RPS6KA2: variants seen among roughly 807,000 people sequenced by gnomAD.
The protein encoded by RPS6KA2 is ribosomal protein S6 kinase A2.
Under a neutral mutation model 91.8 loss-of-function variants are expected in RPS6KA2, and 42 were observed. The ratio of observed to expected loss-of-function variants is 0.46; its 90% CI spans 0.36 to 0.59. The LOEUF is 0.59. Ranked by LOEUF, RPS6KA2 falls within the 20% of genes least tolerant of loss-of-function variation. The pLI, the probability that RPS6KA2 is intolerant of heterozygous loss-of-function variation, is 0.00. For synonymous variants in RPS6KA2, 414 were observed against 393.6 expected, an observed-to-expected ratio of 1.05 and a Z score of -0.61; for missense variants, 798 against 978.5, an observed-to-expected ratio of 0.82 and a Z score of 2.46.
intron 1 of RPS6KA2, among the ~76,000 whole-genome samples, chr6:166,858,656 T>C (rs902596410): frequency 1.3e-5 from 2 of 152,226 alleles, no homozygotes; most frequent in Admixed American, 1.3e-4. Context: ...GGTGAAGGCA[T>C]GTGTGACCAC....
intron 2 of RPS6KA2, among the ~76,000 whole-genome samples, chr6:166,824,454 G>C (rs1303796766): frequency 6.6e-6 from 1 of 152,226 alleles, no homozygotes; most frequent in Non-Finnish European, 1.5e-5. Context: ...CAACTTCTCT[G>C]TGGCAGTTTT....
chr6:166,448,146 T>C lies in RPS6KA2; in HGVS notation c.1332+578A>G, dbSNP rs1370949933. ...GTTACAAAGAATTGTTTCTCTATAC[T>C]GTTCTTGACGGTTGGGAGTAAAACC... On this transcript the variant is annotated intron_variant, in intron 14 of 20. Transcript: ENST00000265678. The surrounding 1 kb of genome is among the most constrained non-coding windows in gnomAD (Gnocchi z 4.7). Among the ~76,000 whole-genome samples, 3 of 152,238 alleles carry C rather than the reference T, an allele frequency of 2.0e-5. No individual in the cohort carries two copies. Among genetic ancestry groups the C allele is most frequent in the African/African-American group, 4.8e-5 (2 of 41,458 alleles).
chr6:166,725,897 T>C lies in RPS6KA2; in HGVS notation c.123+132303A>G, dbSNP rs149597162. ...GGGGAGGAGGCAGAGGGCGCATCAC[T>C]TGTGATTCCCCAGCTTTGAGAGGAG... On this transcript the variant is annotated intron_variant, in intron 2 of 21. Coordinates refer to the RPS6KA2 transcript ENST00000503859. Among the ~76,000 whole-genome samples the C allele has an allele frequency of 9.2e-5, 14 of 152,338 alleles. No individual in the cohort carries two copies. The East Asian group carries it at 2.7e-3, about 29-fold the overall frequency.
At chr6:166,534,629 C>T (rs963068671) in intron 2 of RPS6KA2, among the ~76,000 whole-genome samples, 1 of 152,238 alleles carries the variant, frequency 6.6e-6, no homozygotes, top group African/African-American at 2.4e-5. Flanking sequence ...TCAAGTTTTG[C>T]ATAGGTCTTG....
At chr6:166,531,447 A>T in intron 2 of RPS6KA2, 134 bp from the exon 3 acceptor site, 1 of 694,022 alleles carries the variant, frequency 1.4e-6, no homozygotes, top group African/African-American at 1.8e-5. Context: ...AGAATTTAAA[A>T]TTTTCTCCAA....
At chr6:166,661,301 C>T (rs1353920195) in intron 2 of RPS6KA2, among the ~76,000 whole-genome samples, 12 of 152,106 alleles carry the variant, frequency 7.9e-5, no homozygotes, top group Non-Finnish European at 1.6e-4. Flanking sequence ...GGGTTTACCA[C>T]GTTGGCCAGG....
intron 1 of RPS6KA2, among the ~76,000 whole-genome samples, chr6:166,597,693 T>G (rs1785586180): frequency 6.6e-6 from 1 of 152,246 alleles, no homozygotes; most frequent in Non-Finnish European, 1.5e-5. Flanking sequence ...AAAATTTTCA[T>G]GAATTTTTCA....
At chr6:166,716,035 C>CAAAAA (rs141709524) in intron 2 of RPS6KA2, among the ~76,000 whole-genome samples, 1 of 89,774 alleles carries the variant, frequency 1.1e-5, no homozygotes, top group African/African-American at 5.3e-5. Context: ...GAGACTCCAT[C>CAAAAA]AAAAAAAAAA....
chr6:166,444,528 C>T (rs1248633776), intron 14 of RPS6KA2, among the ~76,000 whole-genome samples: 2 of 152,222 alleles, frequency 1.3e-5, no homozygotes, highest in East Asian at 1.9e-4. Flanking sequence ...GAAGAGGAAG[C>T]GCTGAGGGAA....
chr6:166,728,050 C>T (rs979165511), intron 2 of RPS6KA2, among the ~76,000 whole-genome samples: 2 of 152,178 alleles, frequency 1.3e-5, no homozygotes, highest in Non-Finnish European at 2.9e-5. Context: ...TAGCACTTAC[C>T]TTGCATTGGG....
In RPS6KA2 at chr6:166,603,727, A is replaced by G. The variant is rs1785836886; in HGVS notation, c.99+23194T>C. Among the ~76,000 whole-genome samples the G allele has an allele frequency of 6.6e-6, 1 of 152,180 alleles. No individual in the cohort carries two copies. The highest frequency in any genetic ancestry group is 1.5e-5 in the Non-Finnish European group (1 of 68,014). Reference sequence around the variant, plus strand: ...CAAAGTTAACAGGCACAGGAAGGATACTGAATATTGCGAGGTTGCAGAAGG... The same window carrying G: ...CAAAGTTAACAGGCACAGGAAGGATGCTGAATATTGCGAGGTTGCAGAAGG... On this transcript the variant is annotated intron_variant, in intron 1 of 20. Coordinates refer to ENST00000265678, the MANE Select transcript of RPS6KA2 (RefSeq NM_021135.6). The surrounding 1 kb of genome is among the most constrained non-coding windows in gnomAD (Gnocchi z 4.3).
At chr6:166,656,404 G>C (rs1411809900) in intron 2 of RPS6KA2, among the ~76,000 whole-genome samples, 1 of 152,184 alleles carries the variant, frequency 6.6e-6, no homozygotes, top group Non-Finnish European at 1.5e-5. Context: ...GTGAAGGGTT[G>C]GGCGGGGGTG....
intron 16 of RPS6KA2, chr6:166,424,122 T>C (rs1300210470): frequency 1.3e-5 from 2 of 152,214 alleles, no homozygotes; most frequent in African/African-American, 4.8e-5. Flanking sequence ...ATTGTCCTAA[T>C]GAAATCCAGT....
intron 2 of RPS6KA2, among the ~76,000 whole-genome samples, chr6:166,677,190 C>A (rs1166581952): frequency 6.6e-6 from 1 of 152,146 alleles, no homozygotes; most frequent in East Asian, 1.9e-4. Flanking sequence ...GAGGTTGACA[C>A]CTTCCAGAAA....
intron 2 of RPS6KA2, among the ~76,000 whole-genome samples, chr6:166,644,648 G>C (rs947458294): frequency 2.6e-5 from 4 of 152,176 alleles, no homozygotes; most frequent in Non-Finnish European, 4.4e-5. Flanking sequence ...AGTAAAGAGA[G>C]AAATTACAGC....
At chr6:166,640,306 G>A (rs1787385001) in intron 2 of RPS6KA2, among the ~76,000 whole-genome samples, 1 of 152,234 alleles carries the variant, frequency 6.6e-6, no homozygotes, top group South Asian at 2.1e-4. Flanking sequence ...ATTTGTTTTA[G>A]CAAATTTTCA....
At chr6:166,753,091 G>A (rs1562419862) in intron 2 of RPS6KA2, among the ~76,000 whole-genome samples, 1 of 152,216 alleles carries the variant, frequency 6.6e-6, no homozygotes, top group Non-Finnish European at 1.5e-5. Flanking sequence ...CCCTGTTTCT[G>A]TAGGAAGTGT....
chr6:166,631,718 G>A (rs971618900), upstream of RPS6KA2, among the ~76,000 whole-genome samples: 3 of 152,150 alleles, frequency 2.0e-5, no homozygotes, highest in Non-Finnish European at 4.4e-5. Context: ...CTCCCAAACA[G>A]CGAGAAGGGA....
chr6:166,430,711 C>T (rs1779099294), intron 15 of RPS6KA2, 100 bp from the exon 16 acceptor site: 2 of 1,288,700 alleles, frequency 1.6e-6, no homozygotes, highest in South Asian at 2.9e-5. Flanking sequence ...AGGGGAGAGG[C>T]TGGGACCACA....
Sources: gnomAD v4.1 joint callset for allele counts (sites outside exome capture counted in the v4.1 genomes callset) on GRCh38, gnomAD v4.1.1 for gene constraint, Gnocchi (gnomAD v3.1) non-coding constraint, MANE v1.5 for transcripts, NCBI Gene and HGNC (gene_info 2026-07-23, HGNC 2026-07-21) for gene names.